The following ERGIC1 variants were observed in gnomAD, a reference collection of about 807,000 sequenced individuals.
ERGIC1 encodes the protein endoplasmic reticulum-golgi intermediate compartment 1, also known as endoplasmic reticulum-Golgi intermediate compartment protein 1.
Under a neutral mutation model 38.3 loss-of-function variants are expected in ERGIC1, and 19 were observed. That is an observed-to-expected ratio of 0.50 (90% CI 0.35 to 0.73). The LOEUF (loss-of-function observed/expected upper bound fraction) is 0.73, where lower values mean the gene tolerates loss of function less well. ERGIC1 is among the 30% of genes least tolerant of loss of function. The probability of loss-of-function intolerance (pLI) is 0.01; values close to 1 mark genes in which losing one functional copy is unlikely to be tolerated. For missense variants in ERGIC1, 294 were observed against 389.2 expected, an observed-to-expected ratio of 0.76 and a Z score of 2.06; for synonymous variants, 124 against 157.6, an observed-to-expected ratio of 0.79 and a Z score of 1.60.
chr5:172,854,690 A>T (rs1761501698), intron 1 of ERGIC1, among the ~76,000 whole-genome samples: 1 of 152,244 alleles, frequency 6.6e-6, no homozygotes, highest in African/African-American at 2.4e-5. Context: ...AGCAGCTGGG[A>T]TGGGCTCTGG....
intron 3 of ERGIC1, among the ~76,000 whole-genome samples, chr5:172,901,936 G>A (rs891179536): frequency 6.6e-6 from 1 of 152,148 alleles, no homozygotes; most frequent in Non-Finnish European, 1.5e-5. Flanking sequence ...ATTGGTCATC[G>A]CAGAACCCCT....
intron 2 of ERGIC1, among the ~76,000 whole-genome samples, chr5:172,893,180 T>A (rs1305930341): frequency 1.3e-5 from 2 of 152,152 alleles, no homozygotes; most frequent in Non-Finnish European, 2.9e-5. Context: ...AGAATTTCAC[T>A]CTTGTTGCCC....
At chr5:172,949,656 G>GGA (rs1554114790) in intron 9 of ERGIC1, among the ~76,000 whole-genome samples, 2 of 34,276 alleles carry the variant, frequency 5.8e-5, no homozygotes, top group Non-Finnish European at 1.2e-4. Flanking sequence ...ACAGCGTGGC[G>GGA]GGGGGGGGTA....
chr5:172,892,941 C>T lies in ERGIC1; in HGVS notation c.83-4061C>T, dbSNP rs544371744. Among the ~76,000 whole-genome samples, 549 of 152,184 alleles carry T rather than the reference C, an allele frequency of 3.6e-3. 2 individuals are homozygous for T. Among genetic ancestry groups the T allele is most frequent in the African/African-American group, 0.013 (531 of 41,500 alleles). On this transcript the variant is annotated intron_variant, in intron 2 of 9. Coordinates refer to ENST00000393784, the MANE Select transcript of ERGIC1 (RefSeq NM_001031711.3). The stretch of plus-strand genomic sequence containing the variant: ...GAGTAGACTTGGCACTTATTGTGTC[C>T]ACCTGCTGGGCTGACCAGGCTTAGT...
rs781661227 is a variant in ERGIC1, at chr5:172,894,132, C to CTTTTTTTT, written c.83-2853_83-2846dup. Among the ~76,000 whole-genome samples, 83 of 10,486 alleles carry CTTTTTTTT rather than the reference C, an allele frequency of 7.9e-3. 7 individuals carry two copies. Among genetic ancestry groups the CTTTTTTTT allele is most frequent in the East Asian group, 0.013 (3 of 226 alleles). The allele number at this position is 10,486 out of a possible 152,430, so 6.9% of individuals were successfully genotyped here. A position where few individuals can be genotyped will look rare whatever the true frequency, so the allele number is the denominator to read the frequency against. On this transcript the variant is annotated intron_variant, in intron 2 of 9. Transcript: ENST00000393784. Reference sequence around the variant, plus strand: ...TCACTGTCTTATGGTGCTGATGATACTTTTTTTTTTTTTTTTTTTTTTTTA... The same window carrying CTTTTTTTT: ...TCACTGTCTTATGGTGCTGATGATACTTTTTTTTTTTTTTTTTTTTTTTTTTTTTTTTA...
chr5:172,913,434 A>G (rs1019606376), intron 4 of ERGIC1, among the ~76,000 whole-genome samples: 1 of 152,234 alleles, frequency 6.6e-6, no homozygotes, highest in East Asian at 1.9e-4. Context: ...TAAACTTCAC[A>G]TTATACCATT....
At chr5:172,869,512 G>C (rs1321708593) in intron 1 of ERGIC1, among the ~76,000 whole-genome samples, 2 of 152,204 alleles carry the variant, frequency 1.3e-5, no homozygotes, top group Non-Finnish European at 2.9e-5. Context: ...GCTGGGCTCA[G>C]GTCCCTCAGC....
intron 9 of ERGIC1, among the ~76,000 whole-genome samples, chr5:172,943,626 G>C (rs751059805): frequency 6.6e-6 from 1 of 152,212 alleles, no homozygotes; most frequent in African/African-American, 2.4e-5. Context: ...CCTGCAGTGG[G>C]CCCCATTCTA....
At chr5:172,942,848 T>C (rs889054553) in intron 9 of ERGIC1, among the ~76,000 whole-genome samples, 2 of 152,184 alleles carry the variant, frequency 1.3e-5, no homozygotes, top group African/African-American at 4.8e-5. Context: ...GCTTCTGACT[T>C]CCAACACTTT....
chr5:172,929,939 G>A (rs1763737520), intron 7 of ERGIC1, among the ~76,000 whole-genome samples: 2 of 152,200 alleles, frequency 1.3e-5, no homozygotes, highest in African/African-American at 2.4e-5. Context: ...TGTAATCCCA[G>A]CACTTTGGGA....
chr5:172,847,994 T>C (rs1054560089), intron 1 of ERGIC1, among the ~76,000 whole-genome samples: 4 of 152,212 alleles, frequency 2.6e-5, no homozygotes, highest in African/African-American at 9.6e-5. Flanking sequence ...CCTGGTGAAG[T>C]TGCTGGGTTT....
At chr5:172,905,049 C>T (rs1762982140) in intron 3 of ERGIC1, among the ~76,000 whole-genome samples, 3 of 151,822 alleles carry the variant, frequency 2.0e-5, no homozygotes, top group African/African-American at 7.3e-5. Context: ...TTCTTGGGGC[C>T]TTGTGGGTGA....
chr5:172,834,329 G>A lies in ERGIC1; in HGVS notation c.-85G>A. The A allele has an allele frequency of 8.6e-7, 1 of 1,166,754 alleles. No homozygotes were observed. Among genetic ancestry groups the A allele is most frequent in the South Asian group, 4.1e-5 (1 of 24,124 alleles). The allele number at this position is 1,166,754 out of a possible 1,614,324, so 72.3% of individuals were successfully genotyped here. ...GGCGGCCGGCGGGGGCGGGGCGGCC[G>A]GAGGAGGCGTTGGCAGCGGGCTCGG... On this transcript the variant is annotated 5_prime_UTR_variant, in exon 1 of 10. Coordinates refer to ENST00000393784, the MANE Select transcript of ERGIC1 (RefSeq NM_001031711.3). This position sits in a 1 kb window ranked among gnomAD's most constrained non-coding sequence, Gnocchi z 4.1.
intron 6 of ERGIC1, among the ~76,000 whole-genome samples, chr5:172,925,645 G>A (rs1763633660): frequency 6.6e-6 from 1 of 152,062 alleles, no homozygotes; most frequent in South Asian, 2.1e-4. Context: ...CCTTCCTCCT[G>A]GGGGCCACGT....
intron 2 of ERGIC1, among the ~76,000 whole-genome samples, chr5:172,893,585 A>C (rs1399442697): frequency 6.6e-6 from 1 of 151,844 alleles, no homozygotes; most frequent in African/African-American, 2.4e-5. Flanking sequence ...CAAAGCAAGG[A>C]TGTTTTGCCT....
At chr5:172,892,060 ATGTTTTT>A (rs1478166079) in intron 2 of ERGIC1, among the ~76,000 whole-genome samples, 5 of 125,530 alleles carry the variant, frequency 4.0e-5, no homozygotes, top group South Asian at 2.6e-4. Context: ...GTTAAAGAGT[ATGTTTTT>A]TTTTTTTTTT....
chr5:172,876,317 G>C (rs1762139230), intron 1 of ERGIC1, among the ~76,000 whole-genome samples: 1 of 152,200 alleles, frequency 6.6e-6, no homozygotes. Flanking sequence ...TACATTCTTT[G>C]AAGTTATTCT....
intron 4 of ERGIC1, among the ~76,000 whole-genome samples, chr5:172,910,550 G>T (rs1384622278): frequency 2.5e-3 from 356 of 140,016 alleles, no homozygotes; most frequent in South Asian, 4.5e-3. Flanking sequence ...TTGAGACGGA[G>T]TTTCACTCCT....
At chr5:172,881,228 CAA>C (rs1271387753) in intron 1 of ERGIC1, among the ~76,000 whole-genome samples, 4 of 151,434 alleles carry the variant, frequency 2.6e-5, no homozygotes, top group Non-Finnish European at 2.9e-5. Context: ...GCCTGGAAAA[CAA>C]GAGCGAAACT....
Sources: gnomAD v4.1 joint callset for allele counts (sites outside exome capture counted in the v4.1 genomes callset) on GRCh38, gnomAD v4.1.1 for gene constraint, Gnocchi (gnomAD v3.1) non-coding constraint, MANE v1.5 for transcripts, NCBI Gene and HGNC (gene_info 2026-07-23, HGNC 2026-07-21) for gene names.